The following BTBD8 variants were observed in gnomAD, a reference collection of about 807,000 sequenced individuals.
The protein encoded by BTBD8 is BTB domain containing 8.
A neutral mutation model predicts 162.9 loss-of-function variants in BTBD8; 110 were observed. The ratio of observed to expected loss-of-function variants is 0.68; its 90% CI spans 0.58 to 0.79. The LOEUF is 0.79. Among genes scored for constraint, BTBD8 ranks in the 30% least tolerant of loss-of-function variants. The pLI is 0.00. For synonymous variants in BTBD8, 667 were observed against 716.1 expected (o/e 0.93, Z 1.10); for missense variants, 1,905 against 2,085.4 (o/e 0.91, Z 1.68).
chr1:92,084,416 G>A (rs535676104), intron 1 of BTBD8, among the ~76,000 whole-genome samples: 4 of 152,248 alleles, frequency 2.6e-5, no homozygotes, highest in East Asian at 3.9e-4. Context: ...CCAGAGATTC[G>A]TTCCTTGTCT....
chr1:92,149,080 G>C (rs1649988230), intron 9 of BTBD8, among the ~76,000 whole-genome samples: 1 of 152,172 alleles, frequency 6.6e-6, no homozygotes, highest in African/African-American at 2.4e-5. Flanking sequence ...GGAGTGGTTA[G>C]TAGAAAAAGG....
At chr1:92,104,937 A>T (rs376818648) in intron 3 of BTBD8, among the ~76,000 whole-genome samples, 11 of 147,778 alleles carry the variant, frequency 7.4e-5, no homozygotes, top group Non-Finnish European at 1.3e-4. Context: ...CCTTATTATT[A>T]TTTTTTTTTT....
At chr1:92,168,049 G>A (rs1044422395) in intron 11 of BTBD8, 64 bp downstream of exon 11, 2 of 1,418,698 alleles carry the variant, frequency 1.4e-6, no homozygotes, top group Non-Finnish European at 9.5e-7. Flanking sequence ...TTAGATGTAT[G>A]TGCATTTTAA....
At chr1:92,179,286 T>G (rs1309405789) in intron 16 of BTBD8, among the ~76,000 whole-genome samples, 1 of 151,682 alleles carries the variant, frequency 6.6e-6, no homozygotes, top group Admixed American at 6.6e-5. Flanking sequence ...AATAGTGCAG[T>G]CTAAACAACT....
chr1:92,087,045 C>T lies in BTBD8; in HGVS notation c.150-1653C>T, dbSNP rs138688456. 9.9e-5 allele frequency among the ~76,000 whole-genome samples: 15 copies of T among 152,224 alleles called. No homozygotes were observed. In the East Asian group the frequency reaches 2.5e-3, roughly 25 times the overall value. On this transcript the variant is annotated intron_variant, in intron 1 of 17. Transcript: ENST00000636805. ...TGTCCTTCCTCTGGACTTTACTATTCGATGGGCCAATAAACTCCTTAATGT... is the reference window on the plus strand; with the variant it reads ...TGTCCTTCCTCTGGACTTTACTATTTGATGGGCCAATAAACTCCTTAATGT...
Position 92,180,872 on chromosome 1 carries a change from T to A in BTBD8, c.3189T>A (p.Asp1063Glu). 1 of 1,551,660 alleles carries A rather than the reference T, an allele frequency of 6.4e-7. No individual in the cohort carries two copies. Among genetic ancestry groups the A allele is most frequent in the African/African-American group, 1.4e-5 (1 of 73,174 alleles). Residue 1063 changes from aspartate to glutamate, a missense_variant, in exon 17 of 18, where the codon GAT becomes GAA. Asp to Glu is a conservative substitution (Grantham distance 45). Around this residue, in one of 3 missense-constraint regions of BTBD8, gnomAD observed 1,374 missense variants for 1,442.7 expected, o/e 0.95. Transcript: ENST00000636805. ...AATTTCCCAATCACAAAGAAACAGATGATTGCGATGCAGCTAACATATGTT... is the reference window on the plus strand; with the variant it reads ...AATTTCCCAATCACAAAGAAACAGAAGATTGCGATGCAGCTAACATATGTT... ...ETKFPNHKET[D>E]DCDAANICCH...
chr1:92,168,112 T>C lies in BTBD8; in HGVS notation c.1443+127T>C, dbSNP rs543973391. 33 of 681,238 alleles carry C rather than the reference T, an allele frequency of 4.8e-5. No individual in the cohort carries two copies. In the East Asian group the frequency reaches 1.0e-3, roughly 21 times the overall value. 42.2% of individuals were successfully genotyped at this position (681,238 alleles called of 1,614,324 possible). A position where few individuals can be genotyped will look rare whatever the true frequency, so the allele number is the denominator to read the frequency against. On this transcript the variant is annotated intron_variant, in intron 11 of 17. Coordinates refer to ENST00000636805, the MANE Select transcript of BTBD8 (RefSeq NM_001376131.1). ...GTGGATACCTAGGGGTGGATTAAGG[T>C]CTCTACTTTTGTATATGTTTGGAAT...
intron 3 of BTBD8, among the ~76,000 whole-genome samples, 180 bp from the exon 4 acceptor site, chr1:92,107,704 A>G (rs1415407705): frequency 1.3e-5 from 2 of 152,198 alleles, no homozygotes; most frequent in Non-Finnish European, 2.9e-5. Context: ...GTGGAAATAT[A>G]TATATTTCAA....
intron 9 of BTBD8, among the ~76,000 whole-genome samples, chr1:92,151,094 T>A (rs1358789100): frequency 6.6e-6 from 1 of 152,192 alleles, no homozygotes; most frequent in Non-Finnish European, 1.5e-5. Flanking sequence ...GGCTCGCGCC[T>A]GTAATCCCAG....
chr1:92,175,493 A>G (rs2100683693), intron 13 of BTBD8, among the ~76,000 whole-genome samples: 1 of 149,848 alleles, frequency 6.7e-6, no homozygotes, highest in African/African-American at 2.4e-5. Context: ...AAAAAAAAAA[A>G]AAAAAAGAAT....
chr1:92,128,052 C>A (rs186546237), intron 4 of BTBD8, among the ~76,000 whole-genome samples: 1 of 152,088 alleles, frequency 6.6e-6, no homozygotes, highest in African/African-American at 2.4e-5. Context: ...TGTTTTGAGT[C>A]TGAACTGTAT....
chr1:92,141,510 T>G (rs1439274908), intron 7 of BTBD8, among the ~76,000 whole-genome samples: 1 of 152,130 alleles, frequency 6.6e-6, no homozygotes, highest in Admixed American at 6.5e-5. Flanking sequence ...AGAACTAAGG[T>G]TACTTTCCCC....
chr1:92,142,557 G>A (rs1215516195), intron 7 of BTBD8, among the ~76,000 whole-genome samples: 1 of 152,216 alleles, frequency 6.6e-6, no homozygotes, highest in Non-Finnish European at 1.5e-5. Context: ...CAGCCTTGGT[G>A]TAAGGAACTA....
intron 4 of BTBD8, among the ~76,000 whole-genome samples, chr1:92,113,484 A>G (rs1648950860): frequency 1.3e-5 from 2 of 152,224 alleles, no homozygotes; most frequent in South Asian, 4.1e-4. Context: ...AGATAGAAGC[A>G]TCTTAGACTG....
At chr1:92,133,146 C>A (rs752170461) in intron 5 of BTBD8, among the ~76,000 whole-genome samples, 2 of 152,162 alleles carry the variant, frequency 1.3e-5, no homozygotes, top group Non-Finnish European at 2.9e-5. Context: ...CATTAACTTA[C>A]ATTGTAAACC....
rs143466536 is a variant in BTBD8 at position 92,086,029 on chromosome 1, G to A, written c.150-2669G>A. Among the ~76,000 whole-genome samples, 650 of 152,280 alleles carry A rather than the reference G, an allele frequency of 4.3e-3. 3 individuals carry two copies. Among genetic ancestry groups the A allele is most frequent in the African/African-American group, 0.015 (618 of 41,556 alleles). On this transcript the variant is annotated intron_variant, in intron 1 of 17. Transcript: ENST00000636805. ...GTTGAAAGAAAGTGGTGTATCAAGC[G>A]CATGATCTACAGCTGTGATGGTTTA...
rs1420217092 is a variant in BTBD8 at position 92,080,608 on chromosome 1, G to A, written c.37G>A (p.Val13Ile). Residue 13 changes from valine (V) to isoleucine (I), a missense_variant, in exon 1 of 18, where the codon GTA becomes ATA. Val to Ile is a conservative substitution (Grantham distance 29, BLOSUM62 3). Around this residue, in one of 3 missense-constraint regions of BTBD8, gnomAD observed 1,374 missense variants for 1,442.7 expected, o/e 0.95. Coordinates refer to ENST00000636805, the MANE Select transcript of BTBD8 (RefSeq NM_001376131.1). ...TGGGGAAGGCAGTGCGGCCCCCATG[G>A]TACTTCTGGGGTCCGCTGGAGTTTG... Reference protein sequence around the residue: ...RCGEGSAAPMVLLGSAGVCSK... With the variant: ...RCGEGSAAPMILLGSAGVCSK... The A allele has an allele frequency of 8.1e-6, 13 of 1,614,088 alleles. No individual in the cohort carries two copies. Among genetic ancestry groups the A allele is most frequent in the South Asian group, 1.1e-5 (1 of 91,074 alleles).
intron 4 of BTBD8, among the ~76,000 whole-genome samples, chr1:92,121,933 G>C (rs987336634): frequency 6.6e-6 from 1 of 151,580 alleles, no homozygotes; most frequent in African/African-American, 2.4e-5. Flanking sequence ...AGCCTCCCAA[G>C]TAGTTGGGAC....
At chr1:92,107,653 G>GT (rs746750030) in intron 3 of BTBD8, among the ~76,000 whole-genome samples, 8 of 152,134 alleles carry the variant, frequency 5.3e-5, no homozygotes, top group Admixed American at 1.3e-4. Context: ...ATGCATGACT[G>GT]TTATTAAGCA....
Sources: gnomAD v4.1 joint callset for allele counts (sites outside exome capture counted in the v4.1 genomes callset) on GRCh38, gnomAD v4.1.1 for gene constraint, gnomAD v4.1.1 regional missense constraint, MANE v1.5 for transcripts, NCBI Gene and HGNC (gene_info 2026-07-23, HGNC 2026-07-21) for gene names.